Variants in TARS1 observed in about 807,000 individuals in gnomAD.
TARS1 encodes threonyl-tRNA synthetase 1.
Under a neutral mutation model 97.7 loss-of-function variants are expected in TARS1, and 57 were observed. The ratio of observed to expected loss-of-function variants is 0.58; its 90% CI spans 0.47 to 0.73. The LOEUF (loss-of-function observed/expected upper bound fraction) is 0.73, where lower values mean the gene tolerates loss of function less well. TARS1 is among the 30% of genes least tolerant of loss of function. The pLI, the probability that TARS1 is intolerant of heterozygous loss-of-function variation, is 0.00. For synonymous variants in TARS1, 312 were observed against 293.7 expected (o/e 1.06, Z -0.64); for missense variants, 806 against 888.3 (o/e 0.91, Z 1.18).
rs1380534256 is a variant in TARS1 at position 33,463,881 on chromosome 5, A to G, written c.1908+56A>G. The G allele has an allele frequency of 4.8e-6, 7 of 1,454,286 alleles. No individual in the cohort carries two copies. The African/African-American group carries it at 8.4e-5, about 17-fold the overall frequency. The allele number at this position is 1,454,286 out of a possible 1,614,324, so 90.1% of individuals were successfully genotyped here. ...TTAACATCTGTTGTTCAGCTTTTCAAATCACATAAGCCCTGTATTCTTGGT... is the reference window on the plus strand; with the variant it reads ...TTAACATCTGTTGTTCAGCTTTTCAGATCACATAAGCCCTGTATTCTTGGT... On this transcript the variant is annotated intron_variant, in intron 17 of 18. Coordinates refer to ENST00000265112, the MANE Select transcript of TARS1 (RefSeq NM_152295.5).
intron 17 of TARS1, among the ~76,000 whole-genome samples, chr5:33,465,672 TA>T (rs1357980227): frequency 6.6e-6 from 1 of 152,222 alleles, no homozygotes; most frequent in Non-Finnish European, 1.5e-5. Context: ...AAAATCTAGT[TA>T]AAATGCTAAG....
In TARS1 at chr5:33,453,428, G is replaced by T; in HGVS notation, c.453+16G>T. On this transcript the variant is annotated intron_variant, in intron 4 of 18. Transcript: ENST00000265112. ...AGCTCAGGCAGTAAGTTGCTGATTA[G>T]TATTCATTGAATTTTAGGATGCAGA... 1 of 1,612,374 alleles carries T rather than the reference G, an allele frequency of 6.2e-7. No individual in the cohort carries two copies.
chr5:33,445,415 T>A lies in TARS1; in HGVS notation c.138+11T>A, dbSNP rs765806941. ...GGAGGTCGAGCTGAGGTAAAAGTTA[T>A]CATCACAGAGGGCTCTGTTATCAGA... On this transcript the variant is annotated intron_variant, in intron 2 of 18. Coordinates refer to ENST00000265112, the MANE Select transcript of TARS1 (RefSeq NM_152295.5). 1 of 1,604,172 alleles carries A rather than the reference T, an allele frequency of 6.2e-7. No individual in the cohort carries two copies. Among genetic ancestry groups the A allele is most frequent in the African/African-American group, 1.5e-5 (1 of 68,190 alleles).
At position 33,443,430 on chromosome 5, in the gene TARS1, A is replaced by G. The variant is rs1042779029; in HGVS notation, c.58-1894A>G. Reference sequence around the variant, plus strand: ...TTATCAGAAATATAAAACTTATTTTATCATCTTTCCATTTTAAACCTGCAC... The same window carrying G: ...TTATCAGAAATATAAAACTTATTTTGTCATCTTTCCATTTTAAACCTGCAC... On this transcript the variant is annotated intron_variant, in intron 1 of 18. Transcript: ENST00000265112. Among the ~76,000 whole-genome samples the G allele has an allele frequency of 4.0e-5, 6 of 149,532 alleles. No homozygotes were observed. In the South Asian group the frequency reaches 8.5e-4, roughly 21 times the overall value.
Position 33,441,010 on chromosome 5 carries a change from C to G in TARS1, c.-77C>G. 6.3e-7 allele frequency: 1 copy of G among 1,590,696 alleles called. No individual in the cohort carries two copies. Among genetic ancestry groups the G allele is most frequent in the Non-Finnish European group, 8.6e-7 (1 of 1,161,332 alleles). On this transcript the variant is annotated 5_prime_UTR_variant, in exon 1 of 19. Transcript: ENST00000265112. The stretch of plus-strand genomic sequence containing the variant: ...CCGAGGCCAAGTCCCGGGCGCTAGC[C>G]CACCTCCCACCCGCCTCTTGGCTCC...
At chr5:33,441,387 C>A in intron 1 of TARS1, 1 of 525,328 alleles carries the variant, frequency 1.9e-6, no homozygotes, top group Non-Finnish European at 3.4e-6. Flanking sequence ...GGAAACAGAC[C>A]TTGAGTGAGC....
At chr5:33,448,857 T>C (rs904369334) in intron 3 of TARS1, 126 bp downstream of exon 3, 22 of 764,876 alleles carry the variant, frequency 2.9e-5, no homozygotes, top group East Asian at 1.6e-4. Flanking sequence ...ATCTGTTTAA[T>C]TTTGCCTACT....
intron 1 of TARS1, 154 bp downstream of exon 1, chr5:33,441,297 A>C (rs55759090): frequency 0.22 from 176,363 of 805,504 alleles, 21,901 homozygotes; most frequent in East Asian, 0.49. Context: ...GAAAGTCGGA[A>C]CCCCCTTTGG....
chr5:33,455,850 T>C (rs1265460848), intron 6 of TARS1, 146 bp downstream of exon 6: 1 of 990,108 alleles, frequency 1.0e-6, no homozygotes, highest in Non-Finnish European at 1.5e-6. Context: ...TTTTTTAATT[T>C]CATTTTTTTC....
intron 2 of TARS1, among the ~76,000 whole-genome samples, chr5:33,448,059 C>A (rs1018355619): frequency 6.6e-6 from 1 of 152,190 alleles, no homozygotes; most frequent in African/African-American, 2.4e-5. Context: ...ATCATGGCAT[C>A]TTTGAATTCA....
chr5:33,465,837 C>T (rs1742506795), intron 17 of TARS1: 1 of 152,122 alleles, frequency 6.6e-6, no homozygotes, highest in South Asian at 2.1e-4. Flanking sequence ...CTTTTTCAAT[C>T]AAAAATTGAA....
At chr5:33,463,549 A>G (rs1232692913) in intron 16 of TARS1, among the ~76,000 whole-genome samples, 1 of 152,200 alleles carries the variant, frequency 6.6e-6, no homozygotes, top group Non-Finnish European at 1.5e-5. Flanking sequence ...TTCCTTACGT[A>G]GGGTTAGTTT....
Position 33,467,524 on chromosome 5 carries a change from G to C in TARS1, c.2024-36G>C, listed in dbSNP as rs769604771. On this transcript the variant is annotated intron_variant, in intron 18 of 18. Coordinates refer to ENST00000265112, the MANE Select transcript of TARS1 (RefSeq NM_152295.5). ...CAGTGTGAATTCTTCCATATCTTTA[G>C]ATTAAGTCTGACAAAGCTTTGTGTG... The C allele has an allele frequency of 1.3e-5, 20 of 1,598,968 alleles. No homozygotes were observed. In the East Asian group the frequency reaches 3.8e-4, roughly 31 times the overall value.
At chr5:33,462,809 T>G (rs1742356565) in intron 16 of TARS1, among the ~76,000 whole-genome samples, 1 of 152,218 alleles carries the variant, frequency 6.6e-6, no homozygotes, top group Non-Finnish European at 1.5e-5. Context: ...AAAGCACCCG[T>G]GTGTAGAGCC....
intron 2 of TARS1, 65 bp downstream of exon 2, chr5:33,445,469 G>T: frequency 7.1e-7 from 1 of 1,400,086 alleles, no homozygotes; most frequent in Non-Finnish European, 1.0e-6. Flanking sequence ...AACTTTCTGA[G>T]ACTTTCCTAA....
rs779723175 is a variant in TARS1 at position 33,456,007 on chromosome 5, C to G, written c.699C>G (p.Asn233Lys). The G allele has an allele frequency of 2.0e-5, 32 of 1,613,510 alleles. No homozygotes were observed. The highest frequency in any genetic ancestry group is 2.7e-5 in the Non-Finnish European group (32 of 1,179,752). ...KETLLAMFKY[N>K]KFKCRILNEK... ...ATAATTTTTCCTGTTTTCAGTACAA[C>G]AAGTTCAAATGCCGGATATTGAATG... Residue 233 changes from asparagine (N) to lysine (K), a missense_variant, in exon 7 of 19, where the codon AAC (asparagine) becomes AAG (lysine). By Grantham distance (94) the Asn-to-Lys change is moderately conservative. This residue lies in a region of TARS1 where 356 missense variants were observed against 357.8 expected (regional missense o/e 0.99). Transcript: ENST00000265112.
Position 33,456,002 on chromosome 5 carries a change from T to G in TARS1, c.694T>G (p.Tyr232Asp). 6.2e-7 allele frequency: 1 copy of G among 1,613,556 alleles called. No individual in the cohort carries two copies. The highest frequency in any genetic ancestry group is 8.5e-7 in the Non-Finnish European group (1 of 1,179,698). ...KKETLLAMFK[Y>D]NKFKCRILNE... The stretch of plus-strand genomic sequence containing the variant: ...AAATAATAATTTTTCCTGTTTTCAG[T>G]ACAACAAGTTCAAATGCCGGATATT... Residue 232 changes from tyrosine to aspartate, a missense_variant and splice_region_variant, in exon 7 of 19, where the codon TAC (tyrosine) becomes GAC (aspartate). Physicochemically the swap from Tyr to Asp is radical, Grantham distance 160 (BLOSUM62 -3). Coordinates refer to ENST00000265112, the MANE Select transcript of TARS1 (RefSeq NM_152295.5).
At chr5:33,446,391 A>G (rs1179967865) in intron 2 of TARS1, among the ~76,000 whole-genome samples, 1 of 152,200 alleles carries the variant, frequency 6.6e-6, no homozygotes, top group African/African-American at 2.4e-5. Flanking sequence ...AAAAATGCAT[A>G]TGTTCCCTAA....
rs528740098 is a variant in TARS1 at position 33,457,707 on chromosome 5, A to G, written c.984+304A>G. Among the ~76,000 whole-genome samples the G allele has an allele frequency of 1.4e-4, 21 of 152,334 alleles. No individual in the cohort carries two copies. The East Asian group carries it at 3.3e-3, about 24-fold the overall frequency. On this transcript the variant is annotated intron_variant, in intron 9 of 18. Transcript: ENST00000265112. ...TCTCATAGAGCTGGGAGAACTATGG[A>G]AACCCTCTAGTTTCACTGACTCATT...
Sources: gnomAD v4.1 joint callset for allele counts (sites outside exome capture counted in the v4.1 genomes callset) on GRCh38, gnomAD v4.1.1 for gene constraint, gnomAD v4.1.1 regional missense constraint, MANE v1.5 for transcripts, NCBI Gene and HGNC (gene_info 2026-07-23, HGNC 2026-07-21) for gene names.